Variants in CCDC124 observed in about 807,000 individuals in gnomAD.
CCDC124 encodes the protein coiled-coil domain containing 124, also known as coiled-coil domain-containing protein 124.
Under a neutral mutation model 19.8 loss-of-function variants are expected in CCDC124, and 9 were observed. The ratio of observed to expected loss-of-function variants is 0.45; its 90% CI spans 0.27 to 0.79. The LOEUF (loss-of-function observed/expected upper bound fraction) is 0.79. Ranked by LOEUF, CCDC124 falls within the 30% of genes least tolerant of loss-of-function variation. The pLI, the probability that CCDC124 is intolerant of heterozygous loss-of-function variation, is 0.14. For missense variants in CCDC124, 285 were observed against 319.0 expected, an observed-to-expected ratio of 0.89 and a Z score of 0.81; for synonymous variants, 126 against 131.3, an observed-to-expected ratio of 0.96 and a Z score of 0.27.
At chr19:17,934,309 C>CA (rs1269989145) in intron 1 of CCDC124, among the ~76,000 whole-genome samples, 2 of 148,814 alleles carry the variant, frequency 1.3e-5, no homozygotes, top group African/African-American at 5.2e-5. Flanking sequence ...TTGCTTGAAC[C>CA]GGGTGGGTGG....
chr19:17,939,452 T>C (rs1428084855), intron 2 of CCDC124, among the ~76,000 whole-genome samples: 1 of 152,016 alleles, frequency 6.6e-6, no homozygotes, highest in East Asian at 1.9e-4. Context: ...CCAGAGACCT[T>C]TCCGCCCATA....
intron 1 of CCDC124, among the ~76,000 whole-genome samples, chr19:17,934,415 A>G (rs2031014318): frequency 6.6e-6 from 1 of 151,820 alleles, no homozygotes. Flanking sequence ...ACGTGGAAAC[A>G]GCCCAAATGT....
At chr19:17,939,542 A>G (rs2031131481) in intron 2 of CCDC124, among the ~76,000 whole-genome samples, 1 of 152,066 alleles carries the variant, frequency 6.6e-6, no homozygotes, top group African/African-American at 2.4e-5. Context: ...GGATGAGGAA[A>G]TTGAGGCAGA....
Position 17,943,704 on chromosome 19 carries a change from GCCC to G in CCDC124, c.664_666del (p.Pro222del), listed in dbSNP as rs780204491. ...GAACCAGCGGGCCGTGCCCTTCAAT[GCCC>G]CCAAGTGAGCCCAGAACTTGGGGAG... On this transcript the variant is annotated inframe_deletion, in exon 5 of 5. Coordinates refer to ENST00000445755, the MANE Select transcript of CCDC124 (RefSeq NM_001136203.2). The G allele has an allele frequency of 1.2e-6, 2 of 1,612,366 alleles. No individual in the cohort carries two copies. The highest frequency in any genetic ancestry group is 1.7e-6 in the Non-Finnish European group (2 of 1,179,770).
chr19:17,943,297 A>C lies in CCDC124; in HGVS notation c.386A>C (p.Glu129Ala), dbSNP rs1244299888. 5 of 1,303,268 alleles carry C rather than the reference A, an allele frequency of 3.8e-6. No homozygotes were observed. In the South Asian group the frequency reaches 6.0e-5, roughly 16 times the overall value. The allele number at this position is 1,303,268 out of a possible 1,614,324, so 80.7% of individuals were successfully genotyped here. Reference protein sequence around the residue: ...KAKSHLEVPLEENVNRRVLEE... With the variant: ...KAKSHLEVPLAENVNRRVLEE... ...AAGAGCCATCTGGAGGTGCCGCTGG[A>C]GGAGAACGTGAACCGCCGCGTGCTG... The change falls in exon 4 of 5, where the codon GAG becomes GCG. Residue 129 changes from glutamate to alanine, a missense_variant. Transcript: ENST00000445755.
In CCDC124 at chr19:17,936,544, G is replaced by A. The variant is rs778475492; in HGVS notation, c.124G>A (p.Asp42Asn). ...KELEDAYWKD[D>N]DKHVMRKEQR... Reference sequence around the variant, plus strand: ...GCTGGAGGATGCCTACTGGAAGGACGACGACAAACACGTCATGAGGAAGGA... The same window carrying A: ...GCTGGAGGATGCCTACTGGAAGGACAACGACAAACACGTCATGAGGAAGGA... Residue 42 changes from aspartate (D) to asparagine (N), a missense_variant, in exon 2 of 5, where the codon GAC (aspartate) becomes AAC (asparagine). Coordinates refer to ENST00000445755, the MANE Select transcript of CCDC124 (RefSeq NM_001136203.2). The A allele has an allele frequency of 6.1e-5, 98 of 1,613,506 alleles. No homozygotes were observed. The highest frequency in any genetic ancestry group is 7.9e-5 in the Non-Finnish European group (93 of 1,179,816).
intron 3 of CCDC124, 72 bp from the exon 4 acceptor site, chr19:17,943,189 C>CT (rs1186148195): frequency 8.0e-7 from 1 of 1,249,704 alleles, no homozygotes; most frequent in Non-Finnish European, 1.1e-6. Context: ...TTGCCAGTCT[C>CT]TATCTCATCT....
chr19:17,941,835 G>T (rs954577507), intron 2 of CCDC124, among the ~76,000 whole-genome samples: 1 of 152,178 alleles, frequency 6.6e-6, no homozygotes, highest in Non-Finnish European at 1.5e-5. Flanking sequence ...GATCGTCCCT[G>T]GGAAGGCTGA....
rs1195402019 is a variant in CCDC124, at chr19:17,943,678, T to A, written c.635T>A (p.Met212Lys). The A allele has an allele frequency of 1.1e-5, 17 of 1,612,808 alleles. No individual in the cohort carries two copies. The highest frequency in any genetic ancestry group is 1.4e-5 in the Non-Finnish European group (17 of 1,179,942). The part of the protein sequence containing the change: ...KEWLRSPDNP[M>K]NQRAVPFNAP... ...TGGCTCCGCTCTCCTGACAACCCCA[T>A]GAACCAGCGGGCCGTGCCCTTCAAT... The change falls in exon 5 of 5, where the codon ATG becomes AAG. Residue 212 changes from methionine to lysine, a missense_variant. By Grantham distance (95) the Met-to-Lys change is moderately conservative. Transcript: ENST00000445755.
chr19:17,936,046 G>T (rs1010812957), intron 1 of CCDC124, among the ~76,000 whole-genome samples: 1 of 152,060 alleles, frequency 6.6e-6, no homozygotes, highest in African/African-American at 2.4e-5. Context: ...CTGGGAATAC[G>T]GGTGCACACC....
rs1263875436 is a variant in CCDC124, at chr19:17,942,119, G to A, written c.160-537G>A. Among the ~76,000 whole-genome samples, 2 of 152,154 alleles carry A rather than the reference G, an allele frequency of 1.3e-5. No individual in the cohort carries two copies. Among genetic ancestry groups the A allele is most frequent in the Non-Finnish European group, 2.9e-5 (2 of 68,012 alleles). ...TCAGTTTCAGCCTCAGTGACCCACGGCAGGGAAACGTGGACAGTGCTGCCC... is the reference window on the plus strand; with the variant it reads ...TCAGTTTCAGCCTCAGTGACCCACGACAGGGAAACGTGGACAGTGCTGCCC... On this transcript the variant is annotated intron_variant, in intron 2 of 4. Coordinates refer to ENST00000445755, the MANE Select transcript of CCDC124 (RefSeq NM_001136203.2). The surrounding 1 kb of genome is among the most constrained non-coding windows in gnomAD (Gnocchi z 4.2).
At chr19:17,936,275 C>G (rs1045702738) in intron 1 of CCDC124, 135 bp from the exon 2 acceptor site, 13 of 725,794 alleles carry the variant, frequency 1.8e-5, no homozygotes, top group Non-Finnish European at 2.7e-5. Context: ...GCGCTAAGTC[C>G]AAAGCCCTTG....
chr19:17,941,174 C>T (rs1175757433), intron 2 of CCDC124, among the ~76,000 whole-genome samples: 3 of 152,144 alleles, frequency 2.0e-5, no homozygotes, highest in Admixed American at 2.0e-4. Context: ...CCTCATACCC[C>T]TCCTGGTCAG....
At chr19:17,933,236 A>T (rs1473001266) in intron 1 of CCDC124, among the ~76,000 whole-genome samples, 188 bp downstream of exon 1, 3 of 152,160 alleles carry the variant, frequency 2.0e-5, no homozygotes, top group Non-Finnish European at 2.9e-5. Context: ...TAGACGATTG[A>T]AGCCCGACGC....
rs534087163 is a variant in CCDC124, at chr19:17,943,705, C to T, written c.662C>T (p.Ala221Val). Reference sequence around the variant, plus strand: ...AACCAGCGGGCCGTGCCCTTCAATGCCCCCAAGTGAGCCCAGAACTTGGGG... The same window carrying T: ...AACCAGCGGGCCGTGCCCTTCAATGTCCCCAAGTGAGCCCAGAACTTGGGG... ...PMNQRAVPFN[A>V]PK The change falls in exon 5 of 5, where the codon GCC becomes GTC. Residue 221 changes from alanine (A) to valine (V), a missense_variant. Ala to Val is a moderately conservative substitution (Grantham distance 64). Transcript: ENST00000445755. The T allele has an allele frequency of 1.2e-5, 19 of 1,612,442 alleles. 2 individuals carry two copies. In the South Asian group the frequency reaches 1.8e-4, roughly 15 times the overall value.
rs181676450 is a variant in CCDC124 at position 17,941,453 on chromosome 19, A to G, written c.160-1203A>G. On this transcript the variant is annotated intron_variant, in intron 2 of 4. Coordinates refer to ENST00000445755, the MANE Select transcript of CCDC124 (RefSeq NM_001136203.2). The stretch of plus-strand genomic sequence containing the variant: ...CTTGAACTCGGGAGGCAGAGGTTGC[A>G]GTGAGCCGAGATCGCACCACTGCAC... 1.5e-3 allele frequency among the ~76,000 whole-genome samples: 228 copies of G among 150,716 alleles called. 1 individual carries two copies. Among genetic ancestry groups the G allele is most frequent in the African/African-American group, 5.4e-3 (221 of 41,048 alleles).
rs753787089 is a variant in CCDC124 at position 17,936,588 on chromosome 19, A to G, written c.159+9A>G. The G allele has an allele frequency of 1.2e-6, 2 of 1,608,710 alleles. No homozygotes were observed. Among genetic ancestry groups the G allele is most frequent in the East Asian group, 2.2e-5 (1 of 44,710 alleles). The stretch of plus-strand genomic sequence containing the variant: ...GGAAGGAGCAGCGCAAGGTGCGTGC[A>G]CTCCGAGTCCCCGCGGCCCGCATGC... On this transcript the variant is annotated intron_variant, in intron 2 of 4. Transcript: ENST00000445755.
chr19:17,943,444 C>A (rs1252100949), intron 4 of CCDC124, 64 bp from the exon 5 acceptor site: 1 of 471,956 alleles, frequency 2.1e-6, no homozygotes, highest in South Asian at 2.4e-5. Flanking sequence ...TACCTGGGGG[C>A]GGGGCCGGGC....
chr19:17,940,002 C>T (rs2147780353), intron 2 of CCDC124, among the ~76,000 whole-genome samples: 1 of 150,652 alleles, frequency 6.6e-6, no homozygotes, highest in South Asian at 2.1e-4. Flanking sequence ...GCAACCTCCG[C>T]CTCCTAGGTC....
Sources: allele counts gnomAD v4.1 joint callset (sites outside exome capture counted in the v4.1 genomes callset), GRCh38; gene constraint gnomAD v4.1.1; non-coding constraint Gnocchi (gnomAD v3.1); transcripts MANE v1.5; gene names NCBI Gene and HGNC (gene_info 2026-07-23, HGNC 2026-07-21).